MARS1: variants seen among roughly 807,000 people sequenced by gnomAD.
The protein encoded by MARS1 is methionine--tRNA ligase, cytoplasmic.
A neutral mutation model predicts 119.5 loss-of-function variants in MARS1; 80 were observed. The observed-to-expected ratio is 0.67, with a 90% CI of 0.56 to 0.81. The LOEUF is 0.81. MARS1 is among the 30% of genes least tolerant of loss of function. MARS1 has a pLI of 0.00. For synonymous variants in MARS1, 418 were observed against 433.4 expected, an observed-to-expected ratio of 0.96 and a Z score of 0.44; for missense variants, 945 against 1,116.5, an observed-to-expected ratio of 0.85 and a Z score of 2.19.
At chr12:57,512,503 C>A (rs777716056) in intron 14 of MARS1, 150 bp downstream of exon 14, 2 of 684,526 alleles carry the variant, frequency 2.9e-6, no homozygotes. Context: ...CCTAGAGAAA[C>A]GAACAAGAAC....
intron 11 of MARS1, among the ~76,000 whole-genome samples, chr12:57,509,454 T>A (rs1188994032): frequency 2.6e-5 from 4 of 152,204 alleles, no homozygotes; most frequent in Non-Finnish European, 5.9e-5. Flanking sequence ...TCACCTAGGC[T>A]GGAGTGCAGT....
chr12:57,490,664 G>A lies in MARS1; in HGVS notation c.770+20G>A. ...TCCAGTGTGAGTAGACATGGCACAT[G>A]TGAGTGGGGCTTGATTTTGTAGTGG... is the stretch of plus-strand genomic sequence containing the variant. On this transcript the variant is annotated intron_variant, in intron 7 of 20. Transcript: ENST00000262027. 6.2e-7 allele frequency: 1 copy of A among 1,605,404 alleles called. No individual in the cohort carries two copies. Among genetic ancestry groups the A allele is most frequent in the South Asian group, 1.1e-5 (1 of 90,912 alleles).
Position 57,512,912 on chromosome 12 carries a change from C to A in MARS1, c.1915C>A (p.Leu639Met). Reference protein sequence around the residue: ...QDSAFSWTDLLLKNNSELLNN... With the variant: ...QDSAFSWTDLMLKNNSELLNN... ...CAGTGCTTTCTCCTGGACGGACCTG[C>A]TGCTGAAGAATAATTCTGAGCTGCT... The change falls in exon 15 of 21, where the codon CTG becomes ATG. Residue 639 changes from leucine (L) to methionine (M), a missense_variant. Transcript: ENST00000262027. 1 of 1,614,220 alleles carries A rather than the reference C, an allele frequency of 6.2e-7. No homozygotes were observed. Among genetic ancestry groups the A allele is most frequent in the Non-Finnish European group, 8.5e-7 (1 of 1,180,044 alleles).
intron 7 of MARS1, among the ~76,000 whole-genome samples, chr12:57,492,513 A>G (rs927130915): frequency 6.6e-6 from 1 of 151,864 alleles, no homozygotes; most frequent in East Asian, 1.9e-4. Context: ...CTATCTAAAT[A>G]CACAAAAATT....
chr12:57,489,601 G>C, intron 4 of MARS1, 43 bp downstream of exon 4: 1 of 1,612,476 alleles, frequency 6.2e-7, no homozygotes, highest in Non-Finnish European at 8.5e-7. Context: ...GGCTTATGGT[G>C]TAAGGATTAA....
At chr12:57,491,805 CTGAGTA>C (rs1875976017) in intron 7 of MARS1, among the ~76,000 whole-genome samples, 1 of 152,124 alleles carries the variant, frequency 6.6e-6, no homozygotes, top group Non-Finnish European at 1.5e-5. Context: ...ATTTACAGTT[CTGAGTA>C]TGTTTGCCAT....
intron 19 of MARS1, 70 bp from the exon 20 acceptor site, chr12:57,516,175 T>G: frequency 6.8e-7 from 1 of 1,461,246 alleles, no homozygotes. Context: ...ACTTTCCCTC[T>G]GAGATGCTGT....
intron 8 of MARS1, 63 bp downstream of exon 8, chr12:57,498,336 G>C: frequency 1.3e-6 from 2 of 1,595,778 alleles, no homozygotes; most frequent in Admixed American, 1.7e-5. Context: ...GGAATAGGAT[G>C]CTTCAAGGGT....
chr12:57,516,221 G>A, intron 19 of MARS1, 24 bp from the exon 20 acceptor site: 1 of 1,604,682 alleles, frequency 6.2e-7, no homozygotes, highest in Non-Finnish European at 8.5e-7. Flanking sequence ...TATGGTTGCT[G>A]GTGATAACTT....
chr12:57,502,373 C>T (rs1876955605), intron 10 of MARS1, among the ~76,000 whole-genome samples: 1 of 152,008 alleles, frequency 6.6e-6, no homozygotes, highest in Non-Finnish European at 1.5e-5. Context: ...GAGAGAGGTC[C>T]TGAGGAATTA....
rs1875794710 is a variant in MARS1 at position 57,489,878 on chromosome 12, T to C, written c.415-18T>C. The C allele has an allele frequency of 1.2e-6, 2 of 1,611,552 alleles. No homozygotes were observed. The highest frequency in any genetic ancestry group is 1.7e-6 in the Non-Finnish European group (2 of 1,177,642). Reference sequence around the variant, plus strand: ...GTGTCTCATTTGTGTACATTTTCCTTTTCTATCCCCAACAAAGGAGACAGA... The same window carrying C: ...GTGTCTCATTTGTGTACATTTTCCTCTTCTATCCCCAACAAAGGAGACAGA... On this transcript the variant is annotated intron_variant, in intron 4 of 20. Coordinates refer to ENST00000262027, the MANE Select transcript of MARS1 (RefSeq NM_004990.4).
At chr12:57,502,878 A>G (rs1876995463) in intron 10 of MARS1, among the ~76,000 whole-genome samples, 1 of 148,420 alleles carries the variant, frequency 6.7e-6, no homozygotes, top group Non-Finnish European at 1.5e-5. Context: ...ATACAAAAAT[A>G]AGCCGGGCGC....
In MARS1 at chr12:57,495,819, C is replaced by T. The variant is rs1253339191; in HGVS notation, c.771-2338C>T. Among the ~76,000 whole-genome samples, 24 of 152,146 alleles carry T rather than the reference C, an allele frequency of 1.6e-4. 1 individual carries two copies. The highest frequency in any genetic ancestry group is 3.4e-4 in the Non-Finnish European group (23 of 68,022). On this transcript the variant is annotated intron_variant, in intron 7 of 20. Transcript: ENST00000262027. ...CTGGAGACCAGCCCGGCCAACACGGCGAAACCCCGTCTCCACCAAAAAATA... is the reference window on the plus strand; with the variant it reads ...CTGGAGACCAGCCCGGCCAACACGGTGAAACCCCGTCTCCACCAAAAAATA...
At position 57,493,695 on chromosome 12, in the gene MARS1, A is replaced by G. The variant is rs1294949253; in HGVS notation, c.770+3051A>G. Among the ~76,000 whole-genome samples the G allele has an allele frequency of 3.1e-4, 5 of 16,080 alleles. 1 individual carries two copies. The highest frequency in any genetic ancestry group is 4.2e-4 in the Non-Finnish European group (5 of 11,816). 10.5% of individuals were successfully genotyped at this position (16,080 alleles called of 152,430 possible). ...ATATATATTATATATAATATATATT[A>G]TATATTATAATATATTATATATTAT... On this transcript the variant is annotated intron_variant, in intron 7 of 20. Transcript: ENST00000262027.
rs1356769147 is a variant in MARS1 at position 57,498,463 on chromosome 12, A to G, written c.931A>G (p.Thr311Ala). ...GTGGAACACCCTCTATCTGTGTGGGACAGATGAGTATGGTACAGCAACAGA... is the reference window on the plus strand; with the variant it reads ...GTGGAACACCCTCTATCTGTGTGGGGCAGATGAGTATGGTACAGCAACAGA... ...RQWNTLYLCG[T>A]DEYGTATETK... The change falls in exon 9 of 21, where the codon ACA becomes GCA. Residue 311 changes from threonine to alanine, a missense_variant. Physicochemically the swap from Thr to Ala is moderately conservative, Grantham distance 58. Transcript: ENST00000262027. The G allele has an allele frequency of 6.2e-7, 1 of 1,614,202 alleles. No homozygotes were observed. Among genetic ancestry groups the G allele is most frequent in the Non-Finnish European group, 8.5e-7 (1 of 1,180,044 alleles).
Position 57,515,243 on chromosome 12 carries a change from A to G in MARS1, c.2298A>G (p.Thr766=). Residue 766 remains threonine (T), a synonymous_variant, in exon 18 of 21, where the codon ACA becomes ACG. Coordinates refer to ENST00000262027, the MANE Select transcript of MARS1 (RefSeq NM_004990.4). ...CTTACATGCCCACGGTTAGTGCCAC[A>G]ATCCAGGCCCAGCTGCAGCTCCCAC... is the stretch of plus-strand genomic sequence containing the variant. ...LQPYMPTVSA[T]IQAQLQLPPP... The G allele has an allele frequency of 6.2e-7, 1 of 1,614,102 alleles. No homozygotes were observed. The highest frequency in any genetic ancestry group is 8.5e-7 in the Non-Finnish European group (1 of 1,180,040).
rs1876180191 is a variant in MARS1, at chr12:57,493,486, TATAATATA to T, written c.770+2843_770+2850del. 5.8e-4 allele frequency among the ~76,000 whole-genome samples: 2 copies of T among 3,456 alleles called. 1 individual carries two copies. The highest frequency in any genetic ancestry group is 1.1e-3 in the Non-Finnish European group (2 of 1,862). 2.3% of individuals were successfully genotyped at this position (3,456 alleles called of 152,430 possible). A position where few individuals can be genotyped will look rare whatever the true frequency, so the allele number is the denominator to read the frequency against. On this transcript the variant is annotated intron_variant, in intron 7 of 20. Transcript: ENST00000262027. ...AATATATAATATATAATATATAATATATAATATATTATAATATATAATATATAATATAT... is the reference window on the plus strand; with the variant it reads ...AATATATAATATATAATATATAATATTTATAATATATAATATATAATATAT...
In MARS1 at chr12:57,515,275, C is replaced by T; in HGVS notation, c.2330C>T (p.Ala777Val). 1.2e-6 allele frequency: 2 copies of T among 1,613,924 alleles called. No individual in the cohort carries two copies. The highest frequency in any genetic ancestry group is 4.5e-5 in the East Asian group (2 of 44,890). The change falls in exon 18 of 21, where the codon GCC becomes GTC. Residue 777 changes from alanine (A) to valine (V), a missense_variant. By Grantham distance (64) the Ala-to-Val change is moderately conservative. Coordinates refer to ENST00000262027, the MANE Select transcript of MARS1 (RefSeq NM_004990.4). Reference protein sequence around the residue: ...IQAQLQLPPPACSILLTNFLC... With the variant: ...IQAQLQLPPPVCSILLTNFLC... ...GCCCAGCTGCAGCTCCCACCTCCAGCCTGCAGTATCCTGCTGACAAACTTC... is the reference window on the plus strand; with the variant it reads ...GCCCAGCTGCAGCTCCCACCTCCAGTCTGCAGTATCCTGCTGACAAACTTC...
In MARS1 at chr12:57,514,664, ACGGG is replaced by A. The variant is rs1261778765; in HGVS notation, c.1968-55_1968-52del. On this transcript the variant is annotated intron_variant, in intron 15 of 20. Transcript: ENST00000262027. ...AATTGGGTGAAATTCTAACAAGGAG[ACGGG>A]ATAATAACTTCCCCTCTTTTTTCCA... 16 of 1,606,412 alleles carry A rather than the reference ACGGG, an allele frequency of 1.0e-5. No individual in the cohort carries two copies. In the African/African-American group the frequency reaches 2.0e-4, roughly 20 times the overall value.
Sources: allele counts gnomAD v4.1 joint callset (sites outside exome capture counted in the v4.1 genomes callset), GRCh38; gene constraint gnomAD v4.1.1; transcripts MANE v1.5; gene names NCBI Gene and HGNC (gene_info 2026-07-23, HGNC 2026-07-21).